Variants in ATP8B4 observed in about 807,000 individuals in gnomAD.
ATP8B4 encodes probable phospholipid-transporting ATPase IM.
Under a neutral mutation model 145.6 loss-of-function variants are expected in ATP8B4, and 133 were observed. The observed-to-expected ratio is 0.91, with a 90% CI of 0.79 to 1.05. The LOEUF is 1.05. Among genes scored for constraint, ATP8B4 ranks in the 50% least tolerant of loss-of-function variants. The pLI is 0.00. For synonymous variants in ATP8B4, 507 were observed against 492.9 expected (o/e 1.03, Z -0.38); for missense variants, 1,458 against 1,425.2 (o/e 1.02, Z -0.37).
chr15:50,076,070 T>C (rs904134935), intron 2 of ATP8B4, among the ~76,000 whole-genome samples: 6 of 152,222 alleles, frequency 3.9e-5, no homozygotes, highest in Non-Finnish European at 8.8e-5. Context: ...GCTTGTTTCA[T>C]ATACATTCAG....
At chr15:49,992,077 A>G (rs2047085489) in intron 9 of ATP8B4, among the ~76,000 whole-genome samples, 1 of 152,178 alleles carries the variant, frequency 6.6e-6, no homozygotes, top group South Asian at 2.1e-4. Context: ...CTTAACAGCC[A>G]TATGACACTG....
intron 1 of ATP8B4, among the ~76,000 whole-genome samples, chr15:50,129,656 G>A (rs761715042): frequency 6.6e-6 from 1 of 152,038 alleles, no homozygotes; most frequent in Non-Finnish European, 1.5e-5. Context: ...ATGAATTTTG[G>A]GCCACACTAT....
At chr15:50,068,836 T>C (rs1379061023) in intron 3 of ATP8B4, among the ~76,000 whole-genome samples, 1 of 152,156 alleles carries the variant, frequency 6.6e-6, no homozygotes, top group Non-Finnish European at 1.5e-5. Context: ...TCCATCATCA[T>C]CTTTTTGAAC....
chr15:50,103,820 G>A (rs1319839386), intron 2 of ATP8B4, among the ~76,000 whole-genome samples: 2 of 152,024 alleles, frequency 1.3e-5, no homozygotes, highest in Non-Finnish European at 2.9e-5. Context: ...TACATTACCC[G>A]ACTTCAAACT....
chr15:49,873,260 T>C (rs935173390), intron 25 of ATP8B4, among the ~76,000 whole-genome samples: 1 of 152,206 alleles, frequency 6.6e-6, no homozygotes, highest in Non-Finnish European at 1.5e-5. Context: ...CCTTATGTCT[T>C]CTAGCCCAGA....
At chr15:50,001,136 A>G (rs1413442447) in intron 8 of ATP8B4, among the ~76,000 whole-genome samples, 1 of 149,484 alleles carries the variant, frequency 6.7e-6, no homozygotes, top group African/African-American at 2.5e-5. Context: ...TGTGTCGTTG[A>G]TTTTCTTTAT....
intron 1 of ATP8B4, among the ~76,000 whole-genome samples, chr15:50,130,317 T>C (rs9302153): frequency 0.99 from 150,399 of 152,230 alleles, 74,317 homozygotes; most frequent in East Asian, 1. Context: ...TCTGGGTCTC[T>C]AATACCTGAG....
chr15:50,151,262 A>C lies in ATP8B4; in HGVS notation c.-43+30999T>G, dbSNP rs569298235. On this transcript the variant is annotated intron_variant, in intron 1 of 3. Coordinates refer to the ATP8B4 transcript ENST00000558829. Reference sequence around the variant, plus strand: ...TACAATGTAATAACAGGTGTATTATAGCTTTTCTTTAGAAACATAACTTTT... The same window carrying C: ...TACAATGTAATAACAGGTGTATTATCGCTTTTCTTTAGAAACATAACTTTT... Among the ~76,000 whole-genome samples the C allele has an allele frequency of 5.9e-4, 90 of 152,344 alleles. 1 individual carries two copies. In the South Asian group the frequency reaches 0.015, roughly 25 times the overall value.
chr15:50,085,522 T>C (rs2054844403), intron 2 of ATP8B4, among the ~76,000 whole-genome samples: 1 of 152,016 alleles, frequency 6.6e-6, no homozygotes, highest in South Asian at 2.1e-4. Context: ...AACATAAGAA[T>C]CTAGGGCCCA....
At chr15:49,915,881 T>A (rs2039689070) in intron 20 of ATP8B4, among the ~76,000 whole-genome samples, 2 of 151,470 alleles carry the variant, frequency 1.3e-5, no homozygotes, top group South Asian at 4.2e-4. Context: ...GGCTGGGAGA[T>A]TCGTGTACAA....
intron 13 of ATP8B4, among the ~76,000 whole-genome samples, chr15:49,966,019 C>T (rs912420475): frequency 1.3e-5 from 2 of 152,178 alleles, no homozygotes; most frequent in Non-Finnish European, 2.9e-5. Context: ...TGCAAGGAGT[C>T]AGGGAACTCC....
intron 20 of ATP8B4, among the ~76,000 whole-genome samples, chr15:49,906,839 T>G (rs2038676487): frequency 1.3e-5 from 2 of 151,944 alleles, no homozygotes; most frequent in Non-Finnish European, 2.9e-5. Flanking sequence ...CTTTGAGGAG[T>G]TTAGAAACTG....
At chr15:49,915,266 T>C (rs1421540387) in intron 20 of ATP8B4, among the ~76,000 whole-genome samples, 1 of 152,086 alleles carries the variant, frequency 6.6e-6, no homozygotes, top group Non-Finnish European at 1.5e-5. Context: ...GTTGATCTCA[T>C]AGAGAGTAGA....
At chr15:50,149,231 G>C (rs1234547508) in intron 1 of ATP8B4, among the ~76,000 whole-genome samples, 1 of 152,172 alleles carries the variant, frequency 6.6e-6, no homozygotes, top group Admixed American at 6.5e-5. Context: ...GTAGTGCCCA[G>C]TATGTCCCTG....
At chr15:50,145,068 C>T (rs1390190423) in intron 1 of ATP8B4, among the ~76,000 whole-genome samples, 1 of 152,174 alleles carries the variant, frequency 6.6e-6, no homozygotes, top group Non-Finnish European at 1.5e-5. Flanking sequence ...GGTATTACCT[C>T]TACAATCCCA....
At chr15:49,942,800 G>T (rs1459274427) in intron 14 of ATP8B4, among the ~76,000 whole-genome samples, 1 of 151,808 alleles carries the variant, frequency 6.6e-6, no homozygotes, top group Non-Finnish European at 1.5e-5. Flanking sequence ...ACTCCAGCCT[G>T]GGTGACAGAG....
rs183882429 is a variant in ATP8B4, at chr15:50,026,117, C to G, written c.362+12651G>C. ...ACTTTCAGATCCTACCCTCCTTGTT[C>G]CACTGTCATCTCTACTACTATTACT... On this transcript the variant is annotated intron_variant, in intron 6 of 27. Transcript: ENST00000284509. Among the ~76,000 whole-genome samples the G allele has an allele frequency of 9.5e-4, 144 of 152,304 alleles. 1 individual carries two copies. Among genetic ancestry groups the G allele is most frequent in the Non-Finnish European group, 1.1e-3 (74 of 68,016 alleles).
intron 25 of ATP8B4, among the ~76,000 whole-genome samples, 191 bp downstream of exon 25, chr15:49,876,087 G>A (rs985948656): frequency 1.3e-5 from 2 of 152,090 alleles, no homozygotes; most frequent in Middle Eastern, 3.2e-3. Flanking sequence ...TGTTACAGAC[G>A]CCTAATGCTA....
chr15:50,133,709 T>G (rs1462210970), intron 1 of ATP8B4, among the ~76,000 whole-genome samples: 1 of 152,142 alleles, frequency 6.6e-6, no homozygotes, highest in African/African-American at 2.4e-5. Flanking sequence ...TTGGTCAAAA[T>G]TTATGAACTT....
Sources: gnomAD v4.1 joint callset for allele counts (sites outside exome capture counted in the v4.1 genomes callset) on GRCh38, gnomAD v4.1.1 for gene constraint, MANE v1.5 for transcripts, NCBI Gene and HGNC (gene_info 2026-07-23, HGNC 2026-07-21) for gene names.